CCDC24: variants seen among roughly 807,000 people sequenced by gnomAD.
CCDC24 encodes the protein coiled-coil domain-containing protein 24.
In CCDC24, 34 loss-of-function variants were observed where a neutral mutation model predicts 31.6. The observed-to-expected ratio is 1.08, with a 90% confidence interval of 0.82 to 1.43. The LOEUF is 1.43. Ranked by LOEUF, CCDC24 falls within the 40% of genes most tolerant of loss-of-function variation. CCDC24 has a pLI of 0.00. For missense variants in CCDC24, 426 were observed against 391.1 expected (o/e 1.09, Z -0.75); for synonymous variants, 175 against 157.3 (o/e 1.11, Z -0.84).
intron 5 of CCDC24, chr1:43,994,896 G>A: frequency 3.4e-6 from 2 of 591,772 alleles, no homozygotes; most frequent in Non-Finnish European, 6.1e-6. Context: ...GGTGAGGCAG[G>A]CGAGGGGAAG....
In CCDC24 at chr1:43,992,616, C is replaced by T. The variant is rs754286000; in HGVS notation, c.396C>T (p.Phe132=). 1.9e-6 allele frequency: 3 copies of T among 1,614,026 alleles called. No homozygotes were observed. Among genetic ancestry groups the T allele is most frequent in the South Asian group, 2.2e-5 (2 of 91,082 alleles). Reference sequence around the variant, plus strand: ...GTGATTTGCCAGAACAGGAGATATTCCAGATGAGAGGTGGTGGGCCCAGGT... The same window carrying T: ...GTGATTTGCCAGAACAGGAGATATTTCAGATGAGAGGTGGTGGGCCCAGGT... ...PRCDLPEQEI[F]QMRGGGPSSG... Residue 132 remains phenylalanine (F), a synonymous_variant, in exon 4 of 9, where the codon TTC becomes TTT. Transcript: ENST00000372318.
In CCDC24 at chr1:43,992,228, C is replaced by T; in HGVS notation, c.143C>T (p.Ala48Val). 6.2e-7 allele frequency: 1 copy of T among 1,613,032 alleles called. No individual in the cohort carries two copies. ...ELRAEVAMLRALLQEARSSQA... is the reference protein window; with the variant it reads ...ELRAEVAMLRVLLQEARSSQA... ...TCCTTGCAGGTGGCGATGTTACGGG[C>T]ACTGCTCCAAGAGGCTCGATCCTCT... Residue 48 changes from alanine to valine, a missense_variant, in exon 3 of 9, where the codon GCA becomes GTA. Ala to Val is a moderately conservative substitution (Grantham distance 64, BLOSUM62 0). Transcript: ENST00000372318.
chr1:43,995,329 A>G lies in CCDC24; in HGVS notation c.552+167A>G. Reference sequence around the variant, plus strand: ...CTTGTGTGCACCTGCAAAATCCTGGAGGCCCAGGATTCTAGTTGAGCCCTT... The same window carrying G: ...CTTGTGTGCACCTGCAAAATCCTGGGGGCCCAGGATTCTAGTTGAGCCCTT... On this transcript the variant is annotated intron_variant, in intron 6 of 8. Coordinates refer to ENST00000372318, the MANE Select transcript of CCDC24 (RefSeq NM_152499.4). This position sits in a 1 kb window ranked among gnomAD's most constrained non-coding sequence, Gnocchi z 4.3. 1.3e-6 allele frequency: 1 copy of G among 793,874 alleles called. No homozygotes were observed. The highest frequency in any genetic ancestry group is 1.7e-5 in the South Asian group (1 of 57,188). 49.2% of individuals were successfully genotyped at this position (793,874 alleles called of 1,614,324 possible). A position where few individuals can be genotyped will look rare whatever the true frequency, so the allele number is the denominator to read the frequency against.
rs1311231068 is a variant in CCDC24, at chr1:43,995,926, T to C, written c.702-12T>C. On this transcript the variant is annotated splice_polypyrimidine_tract_variant and intron_variant, in intron 8 of 8. Coordinates refer to ENST00000372318, the MANE Select transcript of CCDC24 (RefSeq NM_152499.4). The surrounding 1 kb of genome is among the most constrained non-coding windows in gnomAD (Gnocchi z 4.3). ...AGACCACCACCCCTCACAGTTACTC[T>C]TTCTTGTCCAGGCAGCGGCCCTTGG... 1 of 1,613,828 alleles carries C rather than the reference T, an allele frequency of 6.2e-7. No homozygotes were observed. Among genetic ancestry groups the C allele is most frequent in the Admixed American group, 1.7e-5 (1 of 60,018 alleles).
chr1:43,993,285 GAA>G (rs34298087), intron 4 of CCDC24, among the ~76,000 whole-genome samples: 1 of 148,686 alleles, frequency 6.7e-6, no homozygotes, highest in Admixed American at 6.6e-5. Context: ...TACAAAAAGT[GAA>G]AAAAAAAATA....
rs376686850 is a variant in CCDC24, at chr1:43,995,627, G to T, written c.579G>T (p.Arg193Ser). The T allele has an allele frequency of 2.5e-6, 4 of 1,612,076 alleles. No homozygotes were observed. The highest frequency in any genetic ancestry group is 1.3e-5 in the African/African-American group (1 of 74,864). Residue 193 changes from arginine to serine, a missense_variant, in exon 7 of 9, where the codon AGG becomes AGT. Transcript: ENST00000372318. The surrounding 1 kb of genome is among the most constrained non-coding windows in gnomAD (Gnocchi z 4.3). ...GCTGCCTGGAAGAGGAGTATTTGAG[G>T]CCTTGCCACCCCTCTGAGGCAGCCC... ...LQRCLEEEYL[R>S]PCHPSEAALE...
At chr1:43,992,862 C>T (rs192132769) in intron 4 of CCDC24, among the ~76,000 whole-genome samples, 1 of 152,312 alleles carries the variant, frequency 6.6e-6, no homozygotes, top group Non-Finnish European at 1.5e-5. Context: ...GTGGTTTGAT[C>T]TGCGTGTTGT....
chr1:43,992,263 A>G lies in CCDC24; in HGVS notation c.178A>G (p.Ser60Gly), dbSNP rs767490401. 5.6e-6 allele frequency: 9 copies of G among 1,612,968 alleles called. No individual in the cohort carries two copies. Among genetic ancestry groups the G allele is most frequent in the Middle Eastern group, 1.6e-4 (1 of 6,062 alleles). Reference sequence around the variant, plus strand: ...AGAGGCTCGATCCTCTCAAGCCCCCAGCTCCCGCCCCATCTCTGACCCCTC... The same window carrying G: ...AGAGGCTCGATCCTCTCAAGCCCCCGGCTCCCGCCCCATCTCTGACCCCTC... ...LQEARSSQAP[S>G]SRPISDPSSL... The change falls in exon 3 of 9, where the codon AGC becomes GGC. Residue 60 changes from serine to glycine, a missense_variant. By Grantham distance (56) the Ser-to-Gly change is moderately conservative. Coordinates refer to ENST00000372318, the MANE Select transcript of CCDC24 (RefSeq NM_152499.4).
chr1:43,993,360 C>T (rs1488908098), intron 4 of CCDC24, among the ~76,000 whole-genome samples: 1 of 151,658 alleles, frequency 6.6e-6, no homozygotes, highest in Non-Finnish European at 1.5e-5. Context: ...GGGATAATTG[C>T]TTGAGCTCAG....
Position 43,995,864 on chromosome 1 carries a change from A to G in CCDC24, c.701+8A>G. On this transcript the variant is annotated splice_region_variant and intron_variant, in intron 8 of 8. Transcript: ENST00000372318. The surrounding 1 kb of genome is among the most constrained non-coding windows in gnomAD (Gnocchi z 4.3). Reference sequence around the variant, plus strand: ...TGTCTCTCCCAACCACAGGTAAACCACAACAGTAGACACAGGGCAGGGTGG... The same window carrying G: ...TGTCTCTCCCAACCACAGGTAAACCGCAACAGTAGACACAGGGCAGGGTGG... 1.2e-6 allele frequency: 2 copies of G among 1,614,178 alleles called. No homozygotes were observed. Among genetic ancestry groups the G allele is most frequent in the Non-Finnish European group, 1.7e-6 (2 of 1,180,018 alleles).
chr1:43,993,900 G>T lies in CCDC24; in HGVS notation c.433G>T (p.Asp145Tyr), dbSNP rs758998426. Reference sequence around the variant, plus strand: ...CTTCATTGCCAGCAGCGGTCACAGAGATCTCAGCATCATCAAGGACCAACT... The same window carrying T: ...CTTCATTGCCAGCAGCGGTCACAGATATCTCAGCATCATCAAGGACCAACT... ...RGGGPSSGHR[D>Y]LSIIKDQLNV... The change falls in exon 5 of 9, where the codon GAT becomes TAT. Residue 145 changes from aspartate to tyrosine, a missense_variant. By Grantham distance (160) the Asp-to-Tyr change is radical. Transcript: ENST00000372318. The T allele has an allele frequency of 6.2e-7, 1 of 1,614,224 alleles. No homozygotes were observed. Among genetic ancestry groups the T allele is most frequent in the South Asian group, 1.1e-5 (1 of 91,088 alleles).
At chr1:43,994,060 A>G in intron 5 of CCDC24, 96 bp downstream of exon 5, 1 of 1,121,046 alleles carries the variant, frequency 8.9e-7, no homozygotes, top group Non-Finnish European at 1.3e-6. Context: ...TGGGTAGTAT[A>G]CTTGGCGGGG....
chr1:43,991,818 C>A, intron 1 of CCDC24, 29 bp from the exon 2 acceptor site: 4 of 1,539,352 alleles, frequency 2.6e-6, no homozygotes, highest in Non-Finnish European at 3.5e-6. Flanking sequence ...GCCCGCGGTA[C>A]CTCCCGCACT....
In CCDC24 at chr1:43,992,253, T is replaced by C. The variant is rs145135517; in HGVS notation, c.168T>C (p.Ser56=). ...LRALLQEARS[S]QAPSSRPISD... is the part of the protein sequence containing the mutation. The stretch of plus-strand genomic sequence containing the variant: ...CACTGCTCCAAGAGGCTCGATCCTC[T>C]CAAGCCCCCAGCTCCCGCCCCATCT... The change falls in exon 3 of 9, where the codon TCT becomes TCC. Residue 56 remains serine, a synonymous_variant. Transcript: ENST00000372318. 121 of 1,613,814 alleles carry C rather than the reference T, an allele frequency of 7.5e-5. No individual in the cohort carries two copies. In the African/African-American group the frequency reaches 1.4e-3, roughly 19 times the overall value.
Position 43,995,474 on chromosome 1 carries a change from C to A in CCDC24, c.553-127C>A. The A allele has an allele frequency of 7.8e-6, 8 of 1,024,220 alleles. No individual in the cohort carries two copies. The highest frequency in any genetic ancestry group is 9.8e-6 in the Non-Finnish European group (7 of 711,112). 63.4% of individuals were successfully genotyped at this position (1,024,220 alleles called of 1,614,324 possible). On this transcript the variant is annotated intron_variant, in intron 6 of 8. Coordinates refer to ENST00000372318, the MANE Select transcript of CCDC24 (RefSeq NM_152499.4). This position sits in a 1 kb window ranked among gnomAD's most constrained non-coding sequence, Gnocchi z 4.3. Reference sequence around the variant, plus strand: ...CGCAAGGCTGGTATTCCCTGGGGAACGTGGCTGCCCTCACGGTGGATGGGC... The same window carrying A: ...CGCAAGGCTGGTATTCCCTGGGGAAAGTGGCTGCCCTCACGGTGGATGGGC...
In CCDC24 at chr1:43,996,212, C is replaced by A. The variant is rs778744655; in HGVS notation, c.*52C>A. 1.4e-6 allele frequency: 2 copies of A among 1,429,470 alleles called. No individual in the cohort carries two copies. 88.5% of individuals were successfully genotyped at this position (1,429,470 alleles called of 1,614,324 possible). A position where few individuals can be genotyped will look rare whatever the true frequency, so the allele number is the denominator to read the frequency against. Reference sequence around the variant, plus strand: ...CTTCTGCCACAGCGCACCTGTCTGCCGCTGCCGCCTCAGCTGCTTTGGCCC... The same window carrying A: ...CTTCTGCCACAGCGCACCTGTCTGCAGCTGCCGCCTCAGCTGCTTTGGCCC... On this transcript the variant is annotated 3_prime_UTR_variant, in exon 9 of 9. Transcript: ENST00000372318.
rs2085852894 is a variant in CCDC24, at chr1:43,996,151, C to A, written c.915C>A (p.Ala305=). ...STPMSSAAPQ[A]PA ...CCATGTCCAGTGCAGCACCCCAAGCCCCAGCCTGAAGGGCTGGTCACCGAG... is the reference window on the plus strand; with the variant it reads ...CCATGTCCAGTGCAGCACCCCAAGCACCAGCCTGAAGGGCTGGTCACCGAG... Residue 305 remains alanine (A), a synonymous_variant, in exon 9 of 9, where the codon GCC becomes GCA. Coordinates refer to ENST00000372318, the MANE Select transcript of CCDC24 (RefSeq NM_152499.4). The A allele has an allele frequency of 6.3e-7, 1 of 1,586,496 alleles. No individual in the cohort carries two copies. Among genetic ancestry groups the A allele is most frequent in the Non-Finnish European group, 8.6e-7 (1 of 1,165,190 alleles).
At position 43,991,741 on chromosome 1, in the gene CCDC24, G is replaced by A. The variant is rs1279891781; in HGVS notation, c.-38G>A. 8 of 1,134,904 alleles carry A rather than the reference G, an allele frequency of 7.0e-6. No homozygotes were observed. The African/African-American group carries it at 1.1e-4, about 15-fold the overall frequency. The allele number at this position is 1,134,904 out of a possible 1,614,324, so 70.3% of individuals were successfully genotyped here. A position where few individuals can be genotyped will look rare whatever the true frequency, so the allele number is the denominator to read the frequency against. On this transcript the variant is annotated 5_prime_UTR_variant, in exon 1 of 9. Transcript: ENST00000372318. ...CCCAGCCGAGGGGACCAGCGGCAGA[G>A]CACGGGTGGGGCTTGGGAGAGGGCG... is the stretch of plus-strand genomic sequence containing the variant.
intron 5 of CCDC24, 172 bp from the exon 6 acceptor site, chr1:43,994,936 G>A (rs866778634): frequency 1.6e-6 from 1 of 608,668 alleles, no homozygotes; most frequent in Middle Eastern, 4.4e-4. Flanking sequence ...AGCCTCACAG[G>A]GGCCAGACGT....
Sources: gnomAD v4.1 joint callset for allele counts (sites outside exome capture counted in the v4.1 genomes callset) on GRCh38, gnomAD v4.1.1 for gene constraint, Gnocchi (gnomAD v3.1) non-coding constraint, MANE v1.5 for transcripts, NCBI Gene and HGNC (gene_info 2026-07-23, HGNC 2026-07-21) for gene names.